The following MGA variants were observed in gnomAD, a reference collection of about 807,000 sequenced individuals.
The protein encoded by MGA is MAX dimerization protein MGA, also known as MAX gene-associated protein.
Under a neutral mutation model 261.1 loss-of-function variants are expected in MGA, and 40 were observed. That is an observed-to-expected ratio of 0.15 (90% CI 0.12 to 0.20). MGA has a LOEUF of 0.20. MGA is among the 10% of genes least tolerant of loss of function. MGA has a pLI of 1.00. For synonymous variants in MGA, 1,302 were observed against 1,290.6 expected (o/e 1.01, Z -0.19); for missense variants, 3,397 against 3,630.5 (o/e 0.94, Z 1.65).
intron 1 of MGA, among the ~76,000 whole-genome samples, chr15:41,654,447 TCC>T (rs753508274): frequency 3.1e-4 from 47 of 152,202 alleles, no homozygotes; most frequent in Non-Finnish European, 6.2e-4. Flanking sequence ...CTTATGATGG[TCC>T]TCTAAATACT....
chr15:41,658,653 A>G (rs115934699), upstream of MGA, among the ~76,000 whole-genome samples: 918 of 147,736 alleles, frequency 6.2e-3, 12 homozygotes, highest in African/African-American at 0.022. Context: ...AACTATGGAT[A>G]GTTTTCCTCT....
At chr15:41,704,130 C>T (rs1230586081) in intron 5 of MGA, among the ~76,000 whole-genome samples, 1 of 152,102 alleles carries the variant, frequency 6.6e-6, no homozygotes, top group Non-Finnish European at 1.5e-5. Context: ...ATGTTAATTT[C>T]CTTTATGAGT....
intron 20 of MGA, 148 bp from the exon 21 acceptor site, chr15:41,761,591 C>G: frequency 1.8e-6 from 1 of 568,360 alleles, no homozygotes; most frequent in South Asian, 2.6e-5. Flanking sequence ...AAAATAATTT[C>G]TGAAACATCA....
At position 41,696,879 on chromosome 15, in the gene MGA, T is replaced by G. The variant is rs1178052603; in HGVS notation, c.1869T>G (p.Cys623Trp). 1 of 1,597,670 alleles carries G rather than the reference T, an allele frequency of 6.3e-7. No homozygotes were observed. Among genetic ancestry groups the G allele is most frequent in the Non-Finnish European group, 8.5e-7 (1 of 1,171,850 alleles). The stretch of plus-strand genomic sequence containing the variant: ...GAAGGCCACGAAAATTGAAACTCTG[T>G]AAGGCAGGACGACCACCTAAGAACA... The change falls in exon 3 of 24, where the codon TGT becomes TGG. Residue 623 changes from cysteine to tryptophan, a missense_variant. Physicochemically the swap from Cys to Trp is radical, Grantham distance 215 (BLOSUM62 -2). Coordinates refer to ENST00000219905, the MANE Select transcript of MGA (RefSeq NM_001164273.2).
chr15:41,752,747 A>G (rs2062914974), intron 17 of MGA, among the ~76,000 whole-genome samples: 1 of 151,602 alleles, frequency 6.6e-6, no homozygotes, highest in African/African-American at 2.4e-5. Flanking sequence ...TAGTAAAGAC[A>G]GGGTTTCACC....
chr15:41,638,712 A>G (rs1438140330), intron 1 of MGA, among the ~76,000 whole-genome samples: 13 of 119,288 alleles, frequency 1.1e-4, no homozygotes, highest in Non-Finnish European at 1.7e-4. Context: ...TTTTTTTGAG[A>G]CAGGGTCTTT....
chr15:41,751,493 G>A (rs964553998), intron 17 of MGA: 2 of 152,162 alleles, frequency 1.3e-5, no homozygotes, highest in Admixed American at 6.6e-5. Flanking sequence ...GGAGGCCGAG[G>A]TGGGTGGATC....
rs2061767854 is a variant in MGA at position 41,736,172 on chromosome 15, T to C, written c.3917-9T>C. ...CAACTTTTTCTTTTTTATTATTATT[T>C]TACATCAGAAAAGAGCTGGAAGTCT... On this transcript the variant is annotated splice_polypyrimidine_tract_variant and intron_variant, in intron 12 of 23. Coordinates refer to ENST00000219905, the MANE Select transcript of MGA (RefSeq NM_001164273.2). The C allele has an allele frequency of 6.6e-7, 1 of 1,515,520 alleles. No individual in the cohort carries two copies. The highest frequency in any genetic ancestry group is 8.8e-7 in the Non-Finnish European group (1 of 1,132,682). 93.9% of individuals were successfully genotyped at this position (1,515,520 alleles called of 1,614,324 possible).
chr15:41,686,331 A>G (rs1163069844), intron 2 of MGA, among the ~76,000 whole-genome samples: 2 of 152,084 alleles, frequency 1.3e-5, no homozygotes, highest in Non-Finnish European at 2.9e-5. Flanking sequence ...CTGGAAACAT[A>G]GTGACACCCA....
rs187390516 is a variant in MGA at position 41,654,062 on chromosome 15, T to C, written c.-67-14766T>C. On this transcript the variant is annotated intron_variant, in intron 1 of 8. Coordinates refer to the MGA transcript ENST00000566718. The stretch of plus-strand genomic sequence containing the variant: ...CTGTCCTTCGGTCTCAACTGAGATG[T>C]CTCTTGGCTAATATCCTCTTCTGTA... 3.7e-5 allele frequency among the ~76,000 whole-genome samples: 4 copies of C among 106,792 alleles called. No individual in the cohort carries two copies. In the Admixed American group the frequency reaches 4.5e-4, roughly 12 times the overall value. The allele number at this position is 106,792 out of a possible 152,430, so 70.1% of individuals were successfully genotyped here.
rs1418391624 is a variant in MGA at position 41,696,964 on chromosome 15, G to T, written c.1954G>T (p.Asp652Tyr). ...TGTAAGCCCTGGGAGTACCTTTCCA[G>T]ATGTGAAGCCTGATCTGGAAGATGT... Residue 652 changes from aspartate to tyrosine, a missense_variant, in exon 3 of 24, where the codon GAT becomes TAT. Physicochemically the swap from Asp to Tyr is radical, Grantham distance 160. Around this residue, in one of 9 missense-constraint regions of MGA, gnomAD observed 563 missense variants for 563.6 expected, o/e 1.00. Coordinates refer to ENST00000219905, the MANE Select transcript of MGA (RefSeq NM_001164273.2). 3.1e-6 allele frequency: 5 copies of T among 1,602,378 alleles called. No homozygotes were observed. Among genetic ancestry groups the T allele is most frequent in the African/African-American group, 1.3e-5 (1 of 74,536 alleles).
intron 1 of MGA, among the ~76,000 whole-genome samples, chr15:41,638,147 A>G (rs375652840): frequency 2.2e-4 from 31 of 140,550 alleles, no homozygotes; most frequent in African/African-American, 6.4e-4. Flanking sequence ...GGTTCAAGCA[A>G]TTCTCTTGCC....
Position 41,630,477 on chromosome 15 carries a change from A to G in MGA, c.-68+9179A>G, listed in dbSNP as rs554246014. 2.0e-5 allele frequency among the ~76,000 whole-genome samples: 3 copies of G among 152,344 alleles called. No homozygotes were observed. The South Asian group carries it at 6.2e-4, about 32-fold the overall frequency. On this transcript the variant is annotated intron_variant, in intron 1 of 8. Transcript: ENST00000566718. ...TTTTGCTTTGGCCAAAGAGTAAGTA[A>G]TTAAAAACTAAATCTTACAATACAC...
rs986376737 is a variant in MGA at position 41,749,866 on chromosome 15, A to G, written c.6259A>G (p.Arg2087Gly). 2.5e-6 allele frequency: 4 copies of G among 1,613,850 alleles called. No homozygotes were observed. The highest frequency in any genetic ancestry group is 3.4e-6 in the Non-Finnish European group (4 of 1,179,900). ...AGAAAAAGTGGCTGTTCTGGAAGTT[A>G]GGACCATTTCTGAAAAAGCCAGTAA... Residue 2087 changes from arginine to glycine, a missense_variant, in exon 17 of 24, where the codon AGG (arginine) becomes GGG (glycine). Around this residue, in one of 9 missense-constraint regions of MGA, gnomAD observed 1,410 missense variants for 1,386.4 expected, o/e 1.02. Transcript: ENST00000219905.
At chr15:41,756,652 G>A (rs1219949802) in intron 18 of MGA, among the ~76,000 whole-genome samples, 3 of 151,972 alleles carry the variant, frequency 2.0e-5, no homozygotes, top group African/African-American at 7.3e-5. Context: ...AAAAAAATTC[G>A]GGGAAATTCA....
chr15:41,742,924 C>T lies in MGA; in HGVS notation c.4964C>T (p.Thr1655Ile). 1.2e-6 allele frequency: 2 copies of T among 1,614,020 alleles called. No individual in the cohort carries two copies. The highest frequency in any genetic ancestry group is 1.7e-6 in the Non-Finnish European group (2 of 1,179,882). ...ACCTCTGTAACATCTACCCAGTCTACAGCCACTGTGAACCTTACCAAAACC... is the reference window on the plus strand; with the variant it reads ...ACCTCTGTAACATCTACCCAGTCTATAGCCACTGTGAACCTTACCAAAACC... Residue 1655 changes from threonine (T) to isoleucine (I), a missense_variant, in exon 15 of 24, where the codon ACA becomes ATA. This residue lies in a region of MGA where 1,410 missense variants were observed against 1,386.4 expected (regional missense o/e 1.02). Coordinates refer to ENST00000219905, the MANE Select transcript of MGA (RefSeq NM_001164273.2).
chr15:41,635,191 G>A (rs565093815), intron 1 of MGA, among the ~76,000 whole-genome samples: 53 of 152,034 alleles, frequency 3.5e-4, no homozygotes, highest in African/African-American at 1.2e-3. Flanking sequence ...AAAATTGGCC[G>A]GGTGTGGTGG....
intron 8 of MGA, among the ~76,000 whole-genome samples, chr15:41,711,965 G>A (rs1361550228): frequency 6.6e-6 from 1 of 152,088 alleles, no homozygotes; most frequent in East Asian, 1.9e-4. Flanking sequence ...AAAATGCTGG[G>A]ATTACAGGCA....
intron 9 of MGA, among the ~76,000 whole-genome samples, chr15:41,720,038 A>G (rs2060855910): frequency 6.6e-6 from 1 of 152,194 alleles, no homozygotes; most frequent in Non-Finnish European, 1.5e-5. Flanking sequence ...CCTAATCAAA[A>G]CTCTGATAGC....
Sources: allele counts gnomAD v4.1 joint callset (sites outside exome capture counted in the v4.1 genomes callset), GRCh38; gene constraint gnomAD v4.1.1; regional missense constraint gnomAD v4.1.1; transcripts MANE v1.5; gene names NCBI Gene and HGNC (gene_info 2026-07-23, HGNC 2026-07-21).